SOX5: variants seen among roughly 807,000 people sequenced by gnomAD.
The protein encoded by SOX5 is transcription factor SOX-5.
A neutral mutation model predicts 92.0 loss-of-function variants in SOX5; 9 were observed. The observed-to-expected ratio is 0.10, with a 90% CI of 0.06 to 0.17. The LOEUF (loss-of-function observed/expected upper bound fraction) is 0.17, where lower values mean the gene tolerates loss of function less well. Ranked by LOEUF, SOX5 falls within the 10% of genes least tolerant of loss-of-function variation. The pLI is 1.00. For missense variants in SOX5, 642 were observed against 944.5 expected (o/e 0.68, Z 4.20); for synonymous variants, 344 against 336.3 (o/e 1.02, Z -0.25).
chr12:24,452,828 T>C (rs908846775), intron 1 of SOX5, among the ~76,000 whole-genome samples: 2 of 152,328 alleles, frequency 1.3e-5, no homozygotes, highest in Non-Finnish European at 2.9e-5. Flanking sequence ...TTTTCAAATA[T>C]GGAATTTTCC....
At chr12:24,434,474 C>A (rs1048230183) in intron 1 of SOX5, among the ~76,000 whole-genome samples, 2 of 152,124 alleles carry the variant, frequency 1.3e-5, no homozygotes. Context: ...AGAAAGGACC[C>A]CTCCCTTCTC....
chr12:24,353,229 C>T (rs1228871333), intron 2 of SOX5, among the ~76,000 whole-genome samples: 1 of 152,176 alleles, frequency 6.6e-6, no homozygotes, highest in Non-Finnish European at 1.5e-5. Context: ...AGGAATGTGA[C>T]ACTGATTCAC....
intron 4 of SOX5, among the ~76,000 whole-genome samples, chr12:23,989,681 T>C (rs1275979874): frequency 1.3e-5 from 2 of 152,044 alleles, no homozygotes; most frequent in Non-Finnish European, 2.9e-5. Flanking sequence ...TAACTATAAC[T>C]AAAGAGCTTG....
chr12:24,484,102 T>C (rs1172126450), intron 1 of SOX5, among the ~76,000 whole-genome samples: 2 of 152,192 alleles, frequency 1.3e-5, no homozygotes, highest in African/African-American at 4.8e-5. Context: ...CTCAAAAGCC[T>C]TACCAAAGAG....
chr12:24,141,363 A>G (rs1490033715), intron 4 of SOX5, among the ~76,000 whole-genome samples: 2 of 152,220 alleles, frequency 1.3e-5, no homozygotes, highest in Non-Finnish European at 2.9e-5. Flanking sequence ...GATTGTATTT[A>G]GGTAATGGAA....
intron 1 of SOX5, among the ~76,000 whole-genome samples, chr12:24,376,689 CCTTTTTTTT>C (rs1211447109): frequency 7.5e-5 from 7 of 93,084 alleles, no homozygotes; most frequent in African/African-American, 2.4e-4. Context: ...GGGAGAGATA[CCTTTTTTTT>C]TTTTTTTTTT....
chr12:23,628,276 T>C (rs1452552494), intron 8 of SOX5, among the ~76,000 whole-genome samples: 1 of 152,034 alleles, frequency 6.6e-6, no homozygotes, highest in African/African-American at 2.4e-5. Flanking sequence ...TGAAAAATAC[T>C]TGGAGCACAT....
At chr12:24,136,937 C>G (rs1253678454) in intron 4 of SOX5, among the ~76,000 whole-genome samples, 2 of 152,184 alleles carry the variant, frequency 1.3e-5, no homozygotes, top group Non-Finnish European at 2.9e-5. Flanking sequence ...TATAAACATT[C>G]TTTTAGACCT....
intron 2 of SOX5, among the ~76,000 whole-genome samples, chr12:24,298,002 C>T (rs893086325): frequency 6.6e-6 from 1 of 152,052 alleles, no homozygotes; most frequent in African/African-American, 2.4e-5. Context: ...ATACGCATTA[C>T]TCCTTTTTTT....
intron 4 of SOX5, among the ~76,000 whole-genome samples, chr12:24,107,696 T>A (rs564130203): frequency 3.9e-5 from 6 of 152,318 alleles, no homozygotes; most frequent in African/African-American, 1.4e-4. Flanking sequence ...GACCTTGATA[T>A]GACGAAAGGA....
intron 4 of SOX5, among the ~76,000 whole-genome samples, chr12:23,980,649 C>A (rs1949486850): frequency 6.6e-6 from 1 of 152,152 alleles, no homozygotes; most frequent in Non-Finnish European, 1.5e-5. Context: ...GCATTTCAGA[C>A]AGAAAGAGAG....
chr12:23,827,135 G>A (rs1206226767), intron 3 of SOX5, among the ~76,000 whole-genome samples: 7 of 152,068 alleles, frequency 4.6e-5, no homozygotes, highest in African/African-American at 1.7e-4. Context: ...TAAGGCCTGA[G>A]AACAAATGGT....
intron 3 of SOX5, among the ~76,000 whole-genome samples, chr12:24,254,244 T>C (rs1940722685): frequency 6.6e-6 from 1 of 151,982 alleles, no homozygotes; most frequent in East Asian, 1.9e-4. Context: ...TTAACTGTTC[T>C]GTGATATCCC....
chr12:23,702,453 A>T (rs921219961), intron 6 of SOX5, among the ~76,000 whole-genome samples: 4 of 152,020 alleles, frequency 2.6e-5, no homozygotes, highest in African/African-American at 4.8e-5. Flanking sequence ...GACGTGAACC[A>T]AATGAAGCTA....
At chr12:23,913,564 C>T (rs565877568) in intron 1 of SOX5, among the ~76,000 whole-genome samples, 32 of 151,790 alleles carry the variant, frequency 2.1e-4, no homozygotes, top group Non-Finnish European at 3.2e-4. Context: ...GGTGAAACCC[C>T]GTCTCTACTA....
intron 1 of SOX5, among the ~76,000 whole-genome samples, chr12:24,492,714 TA>T (rs765172697): frequency 4.6e-5 from 7 of 152,198 alleles, no homozygotes; most frequent in Non-Finnish European, 1.0e-4. Context: ...AAGTGATACT[TA>T]CGTATTTTGT....
chr12:24,181,312 G>C (rs1451076909), intron 4 of SOX5, among the ~76,000 whole-genome samples: 6 of 152,114 alleles, frequency 3.9e-5, no homozygotes, highest in African/African-American at 1.4e-4. Flanking sequence ...TACTCTCATA[G>C]GTTTGATCAT....
chr12:24,433,701 T>G (rs1938828675), intron 1 of SOX5, among the ~76,000 whole-genome samples: 1 of 152,110 alleles, frequency 6.6e-6, no homozygotes, highest in African/African-American at 2.4e-5. Flanking sequence ...GAATTTTAAG[T>G]TAAAATTTGG....
chr12:24,243,630 T>G (rs1396333017), intron 3 of SOX5, among the ~76,000 whole-genome samples: 1 of 152,216 alleles, frequency 6.6e-6, no homozygotes, highest in African/African-American at 2.4e-5. Context: ...GTACATTGCC[T>G]TATAGAATAG....
Sources: allele counts gnomAD v4.1 joint callset (sites outside exome capture counted in the v4.1 genomes callset), GRCh38; gene constraint gnomAD v4.1.1; transcripts MANE v1.5; gene names NCBI Gene and HGNC (gene_info 2026-07-23, HGNC 2026-07-21).